The following DAPK1 variants were observed in gnomAD, a reference collection of about 807,000 sequenced individuals.
DAPK1 encodes the protein death-associated protein kinase 1.
Under a neutral mutation model 144.9 loss-of-function variants are expected in DAPK1, and 56 were observed. The ratio of observed to expected loss-of-function variants is 0.39; its 90% CI spans 0.31 to 0.48. The LOEUF (loss-of-function observed/expected upper bound fraction) is 0.48. DAPK1 is among the 20% of genes least tolerant of loss of function. DAPK1 has a pLI of 0.95. For synonymous variants in DAPK1, 690 were observed against 749.0 expected, an observed-to-expected ratio of 0.92 and a Z score of 1.29; for missense variants, 1,454 against 1,875.4, an observed-to-expected ratio of 0.78 and a Z score of 4.15.
At chr9:87,544,521 C>T (rs564578222) in intron 2 of DAPK1, among the ~76,000 whole-genome samples, 4 of 152,188 alleles carry the variant, frequency 2.6e-5, no homozygotes, top group East Asian at 3.9e-4. Flanking sequence ...TGTATGTACA[C>T]GTAAATATGC....
chr9:87,686,686 C>G lies in DAPK1; in HGVS notation c.2360C>G (p.Ser787Trp). Residue 787 changes from serine to tryptophan, a missense_variant, in exon 21 of 26, where the codon TCG becomes TGG. This residue lies in a region of DAPK1 where 1,025 missense variants were observed against 1,237.9 expected (regional missense o/e 0.83). Transcript: ENST00000408954. This position sits in a 1 kb window ranked among gnomAD's most constrained non-coding sequence, Gnocchi z 4.2. ...FVAPTHHPHC[S>W]ADDQSTKAID... Reference sequence around the variant, plus strand: ...GCCCCGACCCACCACCCGCACTGCTCGGCCGATGACCAGTCCACCAAGGCC... The same window carrying G: ...GCCCCGACCCACCACCCGCACTGCTGGGCCGATGACCAGTCCACCAAGGCC... The G allele has an allele frequency of 6.2e-7, 1 of 1,613,318 alleles. No individual in the cohort carries two copies. Among genetic ancestry groups the G allele is most frequent in the South Asian group, 1.1e-5 (1 of 91,006 alleles).
rs1487491139 is a variant in DAPK1 at position 87,686,558 on chromosome 9, G to A, written c.2232G>A (p.Val744=). The change falls in exon 21 of 26, where the codon GTG becomes GTA. Residue 744 remains valine, a synonymous_variant. Transcript: ENST00000408954. This position sits in a 1 kb window ranked among gnomAD's most constrained non-coding sequence, Gnocchi z 4.2. ...SPLASKPTVS[V]SINNLYPGCE... The stretch of plus-strand genomic sequence containing the variant: ...ATCCTTTCCATCCTGCAGTCTCAGT[G>A]AGCATCAACAACCTGTACCCAGGCT... 3 of 1,551,692 alleles carry A rather than the reference G, an allele frequency of 1.9e-6. No individual in the cohort carries two copies. Among genetic ancestry groups the A allele is most frequent in the Admixed American group, 3.8e-5 (2 of 52,604 alleles).
chr9:87,506,969 G>C (rs746966522), intron 2 of DAPK1: 2 of 152,168 alleles, frequency 1.3e-5, no homozygotes, highest in Non-Finnish European at 2.9e-5. Context: ...TTAATGTGCT[G>C]GGTGGGTTTT....
intron 19 of DAPK1, among the ~76,000 whole-genome samples, chr9:87,675,483 T>TGG (rs1453306516): frequency 6.6e-6 from 1 of 152,052 alleles, no homozygotes; most frequent in African/African-American, 2.4e-5. Flanking sequence ...GGTCAGAGGA[T>TGG]GTACCTGGGT....
intron 2 of DAPK1, among the ~76,000 whole-genome samples, chr9:87,557,375 C>T (rs1200865326): frequency 6.6e-6 from 1 of 152,202 alleles, no homozygotes; most frequent in Non-Finnish European, 1.5e-5. Context: ...CCACTGCCTT[C>T]CTCGTCCTTC....
chr9:87,514,862 A>G (rs1391430483), intron 2 of DAPK1, among the ~76,000 whole-genome samples: 2 of 152,232 alleles, frequency 1.3e-5, no homozygotes, highest in Non-Finnish European at 1.5e-5. Flanking sequence ...TTAAGAAGAA[A>G]ATACAGCTTT....
chr9:87,515,460 G>T (rs1032151934), intron 2 of DAPK1, among the ~76,000 whole-genome samples: 2 of 152,244 alleles, frequency 1.3e-5, no homozygotes, highest in Middle Eastern at 3.4e-3. Flanking sequence ...AGCCTCTCTG[G>T]CTCTGAAGCC....
chr9:87,621,961 C>G (rs1207659609), intron 3 of DAPK1, among the ~76,000 whole-genome samples: 1 of 152,022 alleles, frequency 6.6e-6, no homozygotes, highest in Non-Finnish European at 1.5e-5. Context: ...ACGTTACCAC[C>G]TCTCTCCAAG....
chr9:87,667,721 AC>A (rs1426042365), intron 18 of DAPK1: 5 of 151,798 alleles, frequency 3.3e-5, no homozygotes, highest in African/African-American at 9.7e-5. Flanking sequence ...TTAAAAAAAA[AC>A]ATTCATTTTC....
chr9:87,662,563 T>G (rs1020898253), intron 18 of DAPK1, among the ~76,000 whole-genome samples: 1 of 131,324 alleles, frequency 7.6e-6, no homozygotes, highest in East Asian at 2.4e-4. Context: ...ATTCCTAGTT[T>G]TTTTTTTTTT....
intron 3 of DAPK1, among the ~76,000 whole-genome samples, chr9:87,623,205 T>C (rs1340998563): frequency 6.6e-6 from 1 of 152,204 alleles, no homozygotes; most frequent in Non-Finnish European, 1.5e-5. Flanking sequence ...TAAATCATGG[T>C]GCATTTTCTT....
chr9:87,679,521 G>T (rs138480949), intron 19 of DAPK1, among the ~76,000 whole-genome samples: 15 of 152,226 alleles, frequency 9.9e-5, no homozygotes, highest in African/African-American at 3.6e-4. Context: ...CCTTGAGCAG[G>T]TTCCCTTGGG....
At chr9:87,610,181 G>A (rs1024088587) in intron 3 of DAPK1, among the ~76,000 whole-genome samples, 1 of 152,204 alleles carries the variant, frequency 6.6e-6, no homozygotes, top group Non-Finnish European at 1.5e-5. Flanking sequence ...CTTCACTGGA[G>A]AATCATTCAC....
chr9:87,691,988 G>A (rs1003716658), intron 21 of DAPK1, among the ~76,000 whole-genome samples: 2 of 152,062 alleles, frequency 1.3e-5, no homozygotes, highest in Non-Finnish European at 2.9e-5. Context: ...GTAAATGTCC[G>A]TTAGGTCCAC....
intron 20 of DAPK1, among the ~76,000 whole-genome samples, chr9:87,685,205 G>C (rs757086287): frequency 6.6e-6 from 1 of 152,220 alleles, no homozygotes; most frequent in Non-Finnish European, 1.5e-5. Flanking sequence ...ATGTGTTGGT[G>C]TTTTTAAGAA....
At chr9:87,565,445 T>A (rs915940859) in intron 2 of DAPK1, among the ~76,000 whole-genome samples, 2 of 152,072 alleles carry the variant, frequency 1.3e-5, no homozygotes, top group Admixed American at 1.3e-4. Flanking sequence ...TATTTTATGG[T>A]TGGGGAAAGT....
At chr9:87,514,646 T>C (rs1164696739) in intron 2 of DAPK1, among the ~76,000 whole-genome samples, 1 of 152,076 alleles carries the variant, frequency 6.6e-6, no homozygotes, top group African/African-American at 2.4e-5. Context: ...GGAAGGAGGG[T>C]TCGCATTAAT....
At chr9:87,620,584 G>GAGGGGAGGAGGA (rs1353545508) in intron 3 of DAPK1, among the ~76,000 whole-genome samples, 2 of 149,126 alleles carry the variant, frequency 1.3e-5, no homozygotes, top group Non-Finnish European at 3.0e-5. Context: ...GGGGGAGGGA[G>GAGGGGAGGAGGA]AGGGGAGGAG....
chr9:87,498,830 G>A, intron 1 of DAPK1, 140 bp from the exon 2 acceptor site: 1 of 492,338 alleles, frequency 2.0e-6, no homozygotes, highest in Non-Finnish European at 3.7e-6. Context: ...TTTAACAAAG[G>A]GTGCTCCTCT....
Sources: allele counts gnomAD v4.1 joint callset (sites outside exome capture counted in the v4.1 genomes callset), GRCh38; gene constraint gnomAD v4.1.1; regional missense constraint gnomAD v4.1.1; non-coding constraint Gnocchi (gnomAD v3.1); transcripts MANE v1.5; gene names NCBI Gene and HGNC (gene_info 2026-07-23, HGNC 2026-07-21).